The following MARCHF1 variants were observed in gnomAD, a reference collection of about 807,000 sequenced individuals.
MARCHF1 encodes E3 ubiquitin-protein ligase MARCHF1.
A neutral mutation model predicts 54.2 loss-of-function variants in MARCHF1; 40 were observed. The ratio of observed to expected loss-of-function variants is 0.74; its 90% CI spans 0.57 to 0.96. The LOEUF is 0.96. Among genes scored for constraint, MARCHF1 ranks in the 40% least tolerant of loss-of-function variants. The probability of loss-of-function intolerance (pLI) is 0.00; values close to 1 mark genes in which losing one functional copy is unlikely to be tolerated. For missense variants in MARCHF1, 586 were observed against 656.5 expected, an observed-to-expected ratio of 0.89 and a Z score of 1.17; for synonymous variants, 236 against 236.3, an observed-to-expected ratio of 1.00 and a Z score of 0.01.
chr4:164,275,469 T>TA (rs1250122181), intron 1 of MARCHF1, among the ~76,000 whole-genome samples: 5 of 152,212 alleles, frequency 3.3e-5, no homozygotes, highest in Non-Finnish European at 7.3e-5. Flanking sequence ...GGGGAAAGGT[T>TA]AAAAACCCCT....
chr4:163,822,989 C>T (rs534701219), intron 4 of MARCHF1, among the ~76,000 whole-genome samples: 19 of 151,918 alleles, frequency 1.3e-4, no homozygotes, highest in Admixed American at 6.6e-4. Context: ...CTTTTCCACA[C>T]GCTGTTAGAT....
chr4:163,818,968 C>A (rs536737099), intron 4 of MARCHF1, among the ~76,000 whole-genome samples: 1 of 152,090 alleles, frequency 6.6e-6, no homozygotes, highest in African/African-American at 2.4e-5. Context: ...ACCAGGCTCA[C>A]GGTCTTCTTT....
intron 2 of MARCHF1, among the ~76,000 whole-genome samples, chr4:164,007,513 A>G (rs1408508101): frequency 2.6e-5 from 4 of 152,064 alleles, no homozygotes; most frequent in Admixed American, 6.6e-5. Context: ...ATGCAAATCT[A>G]TCAAAAACAA....
chr4:164,123,360 A>G (rs752031010), intron 1 of MARCHF1, among the ~76,000 whole-genome samples: 1 of 152,106 alleles, frequency 6.6e-6, no homozygotes, highest in Non-Finnish European at 1.5e-5. Flanking sequence ...AAAAATAAAT[A>G]TTGTTAAAAT....
rs145149996 is a variant in MARCHF1 at position 164,091,410 on chromosome 4, T to TTTTATATATATATATATA, written c.-248+20177_-248+20178insTATATATATATATATAAA. ...AACAGGGGATAATTTTCACCAAGTT[T>TTTTATATATATATATATA]TATATATATATATATATATGTATAA... On this transcript the variant is annotated intron_variant, in intron 2 of 9. Coordinates refer to ENST00000514618, the MANE Select transcript of MARCHF1 (RefSeq NM_001394959.1). 2.0e-3 allele frequency among the ~76,000 whole-genome samples: 280 copies of TTTTATATATATATATATA among 136,896 alleles called. 2 individuals carry two copies. The highest frequency in any genetic ancestry group is 6.2e-3 in the African/African-American group (227 of 36,744). The allele number at this position is 136,896 out of a possible 152,430, so 89.8% of individuals were successfully genotyped here. A position where few individuals can be genotyped will look rare whatever the true frequency, so the allele number is the denominator to read the frequency against.
intron 2 of MARCHF1, among the ~76,000 whole-genome samples, chr4:164,033,171 C>A (rs1250047521): frequency 1.4e-5 from 2 of 147,596 alleles, no homozygotes; most frequent in African/African-American, 5.0e-5. Flanking sequence ...AAGACTCCAT[C>A]TCGGGAAAAA....
intron 4 of MARCHF1, among the ~76,000 whole-genome samples, chr4:163,756,631 C>CAAAAAAAAAAAAAAAAAAAAAAAAA (rs67382228): frequency 1.5e-5 from 1 of 67,582 alleles, no homozygotes; most frequent in Non-Finnish European, 2.4e-5. Flanking sequence ...GACTCTGTCT[C>CAAAAAAAAAAAAAAAAAAAAAAAAA]AAAAAAAAAA....
chr4:163,653,496 A>G (rs535806376), intron 5 of MARCHF1, among the ~76,000 whole-genome samples: 2 of 151,882 alleles, frequency 1.3e-5, no homozygotes, highest in South Asian at 2.1e-4. Context: ...GAGACTAGTT[A>G]TCAGGTTACG....
rs187217256 is a variant in MARCHF1, at chr4:164,221,350, A to T, written c.-322-109688T>A. ...AGACATTAAATAAGAAATTACACAAATAAAATAAAAATTACAAAATGTATA... is the reference window on the plus strand; with the variant it reads ...AGACATTAAATAAGAAATTACACAATTAAAATAAAAATTACAAAATGTATA... On this transcript the variant is annotated intron_variant, in intron 1 of 9. Coordinates refer to ENST00000514618, the MANE Select transcript of MARCHF1 (RefSeq NM_001394959.1). Among the ~76,000 whole-genome samples, 386 of 152,180 alleles carry T rather than the reference A, an allele frequency of 2.5e-3. 1 individual carries two copies. Among genetic ancestry groups the T allele is most frequent in the African/African-American group, 6.9e-3 (286 of 41,552 alleles).
intron 7 of MARCHF1, among the ~76,000 whole-genome samples, chr4:163,599,621 T>C (rs1347787610): frequency 6.6e-6 from 1 of 152,176 alleles, no homozygotes; most frequent in Non-Finnish European, 1.5e-5. Flanking sequence ...TATTGCAATT[T>C]ATTGTTTTAT....
At chr4:163,660,545 A>G (rs148408659) in intron 5 of MARCHF1, among the ~76,000 whole-genome samples, 2,023 of 151,914 alleles carry the variant, frequency 0.013, 39 homozygotes, top group African/African-American at 0.047. Context: ...CATTCTGCAC[A>G]TGTATCCCAG....
At chr4:164,192,323 T>G (rs2111052641) in intron 1 of MARCHF1, among the ~76,000 whole-genome samples, 1 of 151,316 alleles carries the variant, frequency 6.6e-6, no homozygotes, top group South Asian at 2.1e-4. Flanking sequence ...GATTTACTAT[T>G]TACTTATATA....
At chr4:163,738,677 T>C (rs557205615) in intron 4 of MARCHF1, among the ~76,000 whole-genome samples, 31 of 152,342 alleles carry the variant, frequency 2.0e-4, no homozygotes, top group Non-Finnish European at 4.3e-4. Flanking sequence ...CAAATAGCAG[T>C]TCTCACTAAT....
intron 4 of MARCHF1, among the ~76,000 whole-genome samples, chr4:163,727,873 G>C (rs115860500): frequency 1.9e-3 from 283 of 151,758 alleles, no homozygotes; most frequent in African/African-American, 6.6e-3. Flanking sequence ...TTTATATAGA[G>C]ATAAGGTTTC....
chr4:163,583,270 T>C (rs1369874075), intron 8 of MARCHF1, among the ~76,000 whole-genome samples: 1 of 152,214 alleles, frequency 6.6e-6, no homozygotes, highest in Non-Finnish European at 1.5e-5. Context: ...GATACTGTGA[T>C]TTTTCAAACA....
intron 5 of MARCHF1, among the ~76,000 whole-genome samples, chr4:163,664,382 A>G (rs1365780666): frequency 1.3e-5 from 2 of 152,156 alleles, no homozygotes; most frequent in African/African-American, 4.8e-5. Context: ...ATGATTTTCA[A>G]AAAAAATTCT....
chr4:164,176,970 C>CCACA (rs3059788), intron 1 of MARCHF1, among the ~76,000 whole-genome samples: 1 of 57,444 alleles, frequency 1.7e-5, no homozygotes, highest in Non-Finnish European at 3.1e-5. Flanking sequence ...CTCTCTCTCT[C>CCACA]TCTCTCTCTC....
In MARCHF1 at chr4:164,264,655, C is replaced by T. The variant is rs569701963; in HGVS notation, c.-323+119215G>A. 2.0e-5 allele frequency among the ~76,000 whole-genome samples: 3 copies of T among 152,210 alleles called. No individual in the cohort carries two copies. The East Asian group carries it at 5.8e-4, about 29-fold the overall frequency. ...CCACCACTGGCTGGACGCAGTGGCT[C>T]ACACCTGTAATCCCAGCACTTTGGG... On this transcript the variant is annotated intron_variant, in intron 1 of 9. Transcript: ENST00000514618.
At chr4:163,666,985 T>C (rs1743559248) in intron 5 of MARCHF1, among the ~76,000 whole-genome samples, 1 of 152,044 alleles carries the variant, frequency 6.6e-6, no homozygotes, top group African/African-American at 2.4e-5. Flanking sequence ...AATTAATATT[T>C]GGTGGCTAAA....
Sources: allele counts gnomAD v4.1 joint callset (sites outside exome capture counted in the v4.1 genomes callset), GRCh38; gene constraint gnomAD v4.1.1; transcripts MANE v1.5; gene names NCBI Gene and HGNC (gene_info 2026-07-23, HGNC 2026-07-21).